ENTREP2: variants seen among roughly 807,000 people sequenced by gnomAD.
ENTREP2 encodes the protein protein ENTREP2.
chr15:29,290,661 A>G, the ENTREP2 span, among the ~76,000 whole-genome samples: 8 of 152,378 alleles, frequency 5.3e-5, no homozygotes, highest in Non-Finnish European at 1.2e-4. Context: ...GAATGGCCAC[A>G]TAAGAAGACA....
the ENTREP2 span, among the ~76,000 whole-genome samples, chr15:29,637,605 G>A: frequency 6.6e-6 from 1 of 152,182 alleles, no homozygotes; most frequent in Non-Finnish European, 1.5e-5. Flanking sequence ...CTTCTCTGAA[G>A]TTGAACAAGA....
the ENTREP2 span, among the ~76,000 whole-genome samples, chr15:29,398,540 A>G: frequency 6.6e-6 from 1 of 152,030 alleles, no homozygotes; most frequent in Non-Finnish European, 1.5e-5. Context: ...CCTGGCCAAC[A>G]TGGTAAAATC....
At chr15:29,170,887 G>C in the ENTREP2 span, among the ~76,000 whole-genome samples, 1 of 152,240 alleles carries the variant, frequency 6.6e-6, no homozygotes, top group Non-Finnish European at 1.5e-5. Context: ...CGGAATAACA[G>C]ACTGGGTAAT....
chr15:29,429,153 GTCCA>G, the ENTREP2 span, among the ~76,000 whole-genome samples: 29 of 151,186 alleles, frequency 1.9e-4, no homozygotes, highest in Non-Finnish European at 2.2e-4. Context: ...ATGTCTATCT[GTCCA>G]TCCATCCATC....
chr15:29,489,999 C>T, the ENTREP2 span, among the ~76,000 whole-genome samples: 1 of 152,204 alleles, frequency 6.6e-6, no homozygotes, highest in Non-Finnish European at 1.5e-5. Flanking sequence ...CAATAAAATT[C>T]AATAATTCTA....
chr15:29,170,830 G>A, the ENTREP2 span, among the ~76,000 whole-genome samples: 1 of 152,170 alleles, frequency 6.6e-6, no homozygotes, highest in African/African-American at 2.4e-5. Context: ...CCCATCTAAA[G>A]CATTCTGTTA....
At chr15:29,189,281 T>C in the ENTREP2 span, among the ~76,000 whole-genome samples, 2 of 152,052 alleles carry the variant, frequency 1.3e-5, no homozygotes, top group Non-Finnish European at 2.9e-5. Flanking sequence ...AGTGTCAGAA[T>C]TGAGTTGAAC....
chr15:29,591,882 G>C, the ENTREP2 span, among the ~76,000 whole-genome samples: 12 of 58,146 alleles, frequency 2.1e-4, no homozygotes, highest in Non-Finnish European at 4.3e-4. Flanking sequence ...AGAAGAAGAA[G>C]AAGAAGAAGA....
chr15:29,644,813 TA>T, the ENTREP2 span, among the ~76,000 whole-genome samples: 532 of 61,212 alleles, frequency 8.7e-3, 2 homozygotes, highest in African/African-American at 0.026. Context: ...TCCATCTCCA[TA>T]AAAAAAAAAA....
At chr15:29,216,863 A>C in the ENTREP2 span, among the ~76,000 whole-genome samples, 1 of 152,092 alleles carries the variant, frequency 6.6e-6, no homozygotes, top group Non-Finnish European at 1.5e-5. Flanking sequence ...TAAAAAAAAG[A>C]AAAGAAAAGA....
the ENTREP2 span, among the ~76,000 whole-genome samples, chr15:29,333,242 A>G: frequency 6.6e-6 from 1 of 152,158 alleles, no homozygotes; most frequent in African/African-American, 2.4e-5. Context: ...TTAGAGCAGA[A>G]CTAGAATTAA....
At chr15:29,655,995 G>C in the ENTREP2 span, among the ~76,000 whole-genome samples, 8 of 141,498 alleles carry the variant, frequency 5.7e-5, no homozygotes, top group African/African-American at 2.1e-4. Flanking sequence ...CCGCACTCCA[G>C]CCCGGGTGAC....
the ENTREP2 span, among the ~76,000 whole-genome samples, chr15:29,202,468 T>A: frequency 0.36 from 54,940 of 151,948 alleles, 10,162 homozygotes; most frequent in East Asian, 0.55. Context: ...CCTCCCATTT[T>A]AAAAATTTTT....
chr15:29,313,802 G>C, the ENTREP2 span, among the ~76,000 whole-genome samples: 4 of 152,204 alleles, frequency 2.6e-5, no homozygotes, highest in African/African-American at 9.6e-5. Flanking sequence ...GCCATACATA[G>C]TGATCCTGTA....
At chr15:29,585,855 C>CAA in the ENTREP2 span, among the ~76,000 whole-genome samples, 95 of 110,774 alleles carry the variant, frequency 8.6e-4, 1 homozygote, top group East Asian at 2.3e-3. Context: ...GACTCTGTCT[C>CAA]AAAAAAAAAA....
chr15:29,234,292 C>T, the ENTREP2 span: 23 of 1,612,074 alleles, frequency 1.4e-5, no homozygotes, highest in African/African-American at 4.0e-5. Context: ...TATCATCTTT[C>T]GGGTCAAAAA....
At chr15:29,120,440 C>A in the ENTREP2 span, 1 of 152,222 alleles carries the variant, frequency 6.6e-6, no homozygotes, top group African/African-American at 2.4e-5. Flanking sequence ...GTGTAGCGAG[C>A]TTTCTGTGGC....
At chr15:29,495,694 C>A in the ENTREP2 span, among the ~76,000 whole-genome samples, 1 of 152,060 alleles carries the variant, frequency 6.6e-6, no homozygotes, top group Non-Finnish European at 1.5e-5. Flanking sequence ...ATTCATGGCA[C>A]CTTTGTCAAA....
At chr15:29,600,443 CAT>C in the ENTREP2 span, among the ~76,000 whole-genome samples, 59 of 142,926 alleles carry the variant, frequency 4.1e-4, no homozygotes, top group African/African-American at 1.6e-3. Context: ...CTCCCACCAT[CAT>C]CATCATCATC....
Sources: gnomAD v4.1 joint callset for allele counts (sites outside exome capture counted in the v4.1 genomes callset) on GRCh38, gnomAD v4.1.1 for gene constraint, MANE v1.5 for transcripts, NCBI Gene and HGNC (gene_info 2026-07-23, HGNC 2026-07-21) for gene names.